The following PUM1 variants were observed in gnomAD, a reference collection of about 807,000 sequenced individuals.
PUM1 encodes the protein pumilio RNA binding family member 1.
A neutral mutation model predicts 131.8 loss-of-function variants in PUM1; 13 were observed. The ratio of observed to expected loss-of-function variants is 0.10; its 90% confidence interval spans 0.06 to 0.16. The LOEUF (loss-of-function observed/expected upper bound fraction) is 0.16, where lower values mean the gene tolerates loss of function less well. Among genes scored for constraint, PUM1 ranks in the 10% least tolerant of loss-of-function variants. The probability of loss-of-function intolerance (pLI) is 1.00; values close to 1 mark genes in which losing one functional copy is unlikely to be tolerated. For missense variants in PUM1, 961 were observed against 1,512.4 expected (o/e 0.64, Z 6.05); for synonymous variants, 509 against 556.5 (o/e 0.91, Z 1.20).
At chr1:31,032,290 G>A (rs1445427342) in intron 2 of PUM1, among the ~76,000 whole-genome samples, 4 of 152,194 alleles carry the variant, frequency 2.6e-5, no homozygotes, top group African/African-American at 7.2e-5. Flanking sequence ...AGAAAAAGAT[G>A]CTCAAGAATC....
At chr1:31,034,999 A>C (rs1443318471) in intron 2 of PUM1, among the ~76,000 whole-genome samples, 1 of 152,248 alleles carries the variant, frequency 6.6e-6, no homozygotes, top group African/African-American at 2.4e-5. Flanking sequence ...AATTTAATCA[A>C]CAAAGGGAAA....
At chr1:30,982,098 A>C (rs1462680868) in intron 7 of PUM1, 5 of 152,222 alleles carry the variant, frequency 3.3e-5, no homozygotes, top group Admixed American at 2.0e-4. Flanking sequence ...TTATATGTTA[A>C]AAATAAAACA....
intron 10 of PUM1, among the ~76,000 whole-genome samples, chr1:30,968,968 T>C (rs773727092): frequency 2.0e-5 from 3 of 151,944 alleles, no homozygotes; most frequent in Non-Finnish European, 2.9e-5. Context: ...AACCATACTA[T>C]ATAATGTCAG....
chr1:31,020,885 T>C (rs1014481697), intron 3 of PUM1, among the ~76,000 whole-genome samples: 2 of 152,206 alleles, frequency 1.3e-5, no homozygotes, highest in African/African-American at 4.8e-5. Flanking sequence ...ATGGATTTGC[T>C]TTGATGTTAT....
At chr1:31,054,947 G>A (rs549491090) in intron 2 of PUM1, among the ~76,000 whole-genome samples, 5 of 152,176 alleles carry the variant, frequency 3.3e-5, no homozygotes, top group South Asian at 2.1e-4. Flanking sequence ...CAAAAACCAG[G>A]TATTACCTGG....
intron 14 of PUM1, among the ~76,000 whole-genome samples, chr1:30,961,889 C>T (rs1640423535): frequency 6.6e-6 from 1 of 152,190 alleles, no homozygotes; most frequent in South Asian, 2.1e-4. Flanking sequence ...TATGGCTGCT[C>T]ATCACTGCTG....
chr1:30,969,316 C>CAAAAAAAAAAAAAAAAAAAA (rs763999971), intron 10 of PUM1, among the ~76,000 whole-genome samples: 3 of 51,200 alleles, frequency 5.9e-5, no homozygotes, highest in East Asian at 5.1e-4. Flanking sequence ...AACACACACA[C>CAAAAAAAAAAAAAAAAAAAA]AAAAAAAAAA....
At chr1:30,953,644 C>A in intron 15 of PUM1, 70 bp downstream of exon 15, 2 of 1,527,680 alleles carry the variant, frequency 1.3e-6, no homozygotes, top group Non-Finnish European at 1.8e-6. Flanking sequence ...TAAGTAGATA[C>A]CCATCTGAGC....
intron 2 of PUM1, among the ~76,000 whole-genome samples, chr1:31,034,891 C>T (rs780233564): frequency 2.0e-5 from 3 of 151,906 alleles, no homozygotes; most frequent in Non-Finnish European, 4.4e-5. Flanking sequence ...TGCCAGGAAC[C>T]ATTATGGAAA....
Position 30,967,314 on chromosome 1 carries a change from G to A in PUM1, c.1646-4C>T, listed in dbSNP as rs1640661275. The A allele has an allele frequency of 6.2e-7, 1 of 1,610,942 alleles. No homozygotes were observed. The highest frequency in any genetic ancestry group is 1.7e-5 in the Admixed American group (1 of 59,926). On this transcript the variant is annotated splice_polypyrimidine_tract_variant and splice_region_variant and intron_variant, in intron 11 of 21. Transcript: ENST00000426105. The stretch of plus-strand genomic sequence containing the variant: ...GCAGGAGCCAACACCGGATAACCTA[G>A]GAATATCAAGCCAACAAAGAAATGT...
chr1:30,965,457 C>G (rs754600578), intron 13 of PUM1, among the ~76,000 whole-genome samples: 2 of 152,144 alleles, frequency 1.3e-5, no homozygotes, highest in Non-Finnish European at 2.9e-5. Flanking sequence ...CTGCAATTAT[C>G]CCATTATTCA....
Position 31,065,668 on chromosome 1 carries a change from G to T in PUM1, c.-64C>A, listed in dbSNP as rs1041415113. 7 of 1,549,682 alleles carry T rather than the reference G, an allele frequency of 4.5e-6. No homozygotes were observed. The African/African-American group carries it at 9.6e-5, about 21-fold the overall frequency. On this transcript the variant is annotated 5_prime_UTR_variant, in exon 1 of 22. Coordinates refer to ENST00000426105, the MANE Select transcript of PUM1 (RefSeq NM_001020658.2). ...TTCAGCCCCCCGATCTTCTCTCTCT[G>T]GCGCTCTCGCTCCCCCTTACCTTTC... is the stretch of plus-strand genomic sequence containing the variant.
chr1:31,063,775 G>C (rs1202940558), intron 1 of PUM1, among the ~76,000 whole-genome samples: 1 of 152,166 alleles, frequency 6.6e-6, no homozygotes, highest in Non-Finnish European at 1.5e-5. Context: ...CTTTTGTAAA[G>C]CTATCTGTAT....
At chr1:30,970,780 T>C (rs1475510183) in intron 10 of PUM1, among the ~76,000 whole-genome samples, 1 of 152,180 alleles carries the variant, frequency 6.6e-6, no homozygotes, top group Non-Finnish European at 1.5e-5. Context: ...CACAGAAATA[T>C]GGCAAATGCT....
chr1:31,048,705 A>C (rs1456959041), intron 2 of PUM1, among the ~76,000 whole-genome samples: 1 of 151,044 alleles, frequency 6.6e-6, no homozygotes. Context: ...CAATCTCCTG[A>C]CCTCATGATC....
chr1:30,946,139 CCT>C (rs1463550867), intron 17 of PUM1, among the ~76,000 whole-genome samples: 15 of 152,118 alleles, frequency 9.9e-5, no homozygotes, highest in African/African-American at 3.4e-4. Context: ...TACAAAGAAG[CCT>C]ACATCAGGAA....
chr1:31,018,885 A>G (rs1429106531), intron 3 of PUM1, among the ~76,000 whole-genome samples: 1 of 152,190 alleles, frequency 6.6e-6, no homozygotes, highest in Non-Finnish European at 1.5e-5. Flanking sequence ...AAATTCAAAA[A>G]TAAAAAATAA....
At chr1:30,966,315 G>A (rs1289436038) in intron 12 of PUM1, 37 bp from the exon 13 acceptor site, 14 of 1,519,466 alleles carry the variant, frequency 9.2e-6, no homozygotes, top group Non-Finnish European at 1.1e-5. Flanking sequence ...GCTATGAAAG[G>A]GACTGGCCAC....
At chr1:30,970,392 A>G (rs551818935) in intron 10 of PUM1, among the ~76,000 whole-genome samples, 3 of 152,360 alleles carry the variant, frequency 2.0e-5, no homozygotes, top group African/African-American at 7.2e-5. Flanking sequence ...TATATCAGTA[A>G]TAAGTAAGAA....
Sources: allele counts gnomAD v4.1 joint callset (sites outside exome capture counted in the v4.1 genomes callset), GRCh38; gene constraint gnomAD v4.1.1; transcripts MANE v1.5; gene names NCBI Gene and HGNC (gene_info 2026-07-23, HGNC 2026-07-21).